The following MOCOS variants were observed in gnomAD, a reference collection of about 807,000 sequenced individuals.
The protein encoded by MOCOS is human molybdenum cofactor sulfurase.
MOCOS carries 86 observed loss-of-function variants against 83.6 expected under a neutral mutation model. That is an observed-to-expected ratio of 1.03 (90% confidence interval 0.86 to 1.23). The LOEUF is 1.23. Ranked by LOEUF, MOCOS falls within the 50% of genes most tolerant of loss-of-function variation. The pLI, the probability that MOCOS is intolerant of heterozygous loss-of-function variation, is 0.00. For synonymous variants in MOCOS, 445 were observed against 434.7 expected, an observed-to-expected ratio of 1.02 and a Z score of -0.29; for missense variants, 1,120 against 1,126.9, an observed-to-expected ratio of 0.99 and a Z score of 0.09.
At chr18:36,267,904 A>G (rs941674072) in intron 14 of MOCOS, among the ~76,000 whole-genome samples, 2 of 152,192 alleles carry the variant, frequency 1.3e-5, no homozygotes, top group Non-Finnish European at 2.9e-5. Flanking sequence ...CATTTGTACA[A>G]ATCATGAGGA....
At chr18:36,230,367 G>A (rs944384990) in intron 9 of MOCOS, among the ~76,000 whole-genome samples, 3 of 152,108 alleles carry the variant, frequency 2.0e-5, no homozygotes, top group African/African-American at 7.2e-5. Context: ...TTACAGACAT[G>A]AGCCACTGTG....
chr18:36,256,472 C>CA (rs1421533221), intron 11 of MOCOS, among the ~76,000 whole-genome samples: 1 of 151,886 alleles, frequency 6.6e-6, no homozygotes, highest in Non-Finnish European at 1.5e-5. Context: ...TTTTTTGAGA[C>CA]AGAGTGTTGC....
intron 12 of MOCOS, 139 bp downstream of exon 12, chr18:36,257,212 C>A: frequency 2.6e-6 from 2 of 773,066 alleles, no homozygotes; most frequent in Non-Finnish European, 4.6e-6. Flanking sequence ...GAAACTGAGG[C>A]CCTGAGAAGT....
rs369667961 is a variant in MOCOS, at chr18:36,213,443, C to T, written c.1296C>T (p.His432=). 1.1e-5 allele frequency: 17 copies of T among 1,614,068 alleles called. No individual in the cohort carries two copies. In the African/African-American group the frequency reaches 2.0e-4, roughly 19 times the overall value. Residue 432 remains histidine (H), a synonymous_variant, in exon 7 of 15, where the codon CAC becomes CAT. Transcript: ENST00000261326. ...GTAACACTGGGGCCTGCCAGAGGCA[C>T]CTGGGCATAAGCAACGAGATGGTCA... is the stretch of plus-strand genomic sequence containing the variant. The part of the protein sequence containing the change: ...CFCNTGACQR[H]LGISNEMVRK...
chr18:36,192,594 G>A (rs906880985), intron 1 of MOCOS, among the ~76,000 whole-genome samples: 1 of 152,144 alleles, frequency 6.6e-6, no homozygotes, highest in Non-Finnish European at 1.5e-5. Context: ...AAGTTGACAA[G>A]CTGATTCTAA....
chr18:36,267,090 T>G (rs2091684484), intron 14 of MOCOS, among the ~76,000 whole-genome samples: 1 of 152,182 alleles, frequency 6.6e-6, no homozygotes. Flanking sequence ...CCAATCTTGT[T>G]GAAGAGATAT....
intron 2 of MOCOS, among the ~76,000 whole-genome samples, chr18:36,197,056 A>G (rs603192): frequency 0.99 from 151,378 of 152,180 alleles, 75,297 homozygotes; most frequent in East Asian, 1. Flanking sequence ...TGAGGACACC[A>G]GGAAGGGAGC....
chr18:36,267,066 TA>T (rs1415331987), intron 14 of MOCOS, among the ~76,000 whole-genome samples: 1 of 152,214 alleles, frequency 6.6e-6, no homozygotes, highest in African/African-American at 2.4e-5. Context: ...TTACTTCATG[TA>T]TTTTTATGCT....
intron 4 of MOCOS, among the ~76,000 whole-genome samples, chr18:36,200,894 A>T (rs191048888): frequency 6.6e-6 from 1 of 152,350 alleles, no homozygotes; most frequent in East Asian, 1.9e-4. Context: ...AGTGAGTTAC[A>T]GAGGGAGTCT....
Position 36,256,811 on chromosome 18 carries a change from G to A in MOCOS, c.2165-157G>A, listed in dbSNP as rs146143990. On this transcript the variant is annotated intron_variant, in intron 11 of 14. Transcript: ENST00000261326. Reference sequence around the variant, plus strand: ...CTTTTGCCTCTTTATTGAGAGATATGCACCATGCTTAGGACATTTTTATTA... The same window carrying A: ...CTTTTGCCTCTTTATTGAGAGATATACACCATGCTTAGGACATTTTTATTA... 448 of 705,032 alleles carry A rather than the reference G, an allele frequency of 6.4e-4. 2 individuals are homozygous for A. Among genetic ancestry groups the A allele is most frequent in the African/African-American group, 6.1e-3 (350 of 57,436 alleles). 43.7% of individuals were successfully genotyped at this position (705,032 alleles called of 1,614,324 possible). A position where few individuals can be genotyped will look rare whatever the true frequency, so the allele number is the denominator to read the frequency against.
chr18:36,190,085 G>T (rs1296931179), intron 1 of MOCOS: 1 of 152,192 alleles, frequency 6.6e-6, no homozygotes, highest in Non-Finnish European at 1.5e-5. Flanking sequence ...TGGACCAAAA[G>T]CCAAAGCATC....
intron 9 of MOCOS, among the ~76,000 whole-genome samples, chr18:36,234,167 C>A (rs143698074): frequency 6.6e-6 from 1 of 152,036 alleles, no homozygotes; most frequent in Non-Finnish European, 1.5e-5. Flanking sequence ...GGTTTCATGT[C>A]TTAGATTTAA....
intron 8 of MOCOS, 151 bp downstream of exon 8, chr18:36,216,128 T>G (rs1417876475): frequency 1.2e-6 from 1 of 860,204 alleles, no homozygotes. Flanking sequence ...TCTTGGTCTG[T>G]GCTGACTTTT....
At chr18:36,191,454 C>T (rs1001169413) in intron 1 of MOCOS, among the ~76,000 whole-genome samples, 6 of 152,180 alleles carry the variant, frequency 3.9e-5, no homozygotes, top group Non-Finnish European at 8.8e-5. Flanking sequence ...TGCATGTGCA[C>T]ACTTTTTGAG....
At chr18:36,204,432 AT>A (rs2091426703) in intron 5 of MOCOS, among the ~76,000 whole-genome samples, 1 of 152,240 alleles carries the variant, frequency 6.6e-6, no homozygotes, top group South Asian at 2.1e-4. Flanking sequence ...TTAAACATTA[AT>A]AATAAAAACA....
chr18:36,189,841 G>C (rs905179224), intron 1 of MOCOS: 1 of 152,146 alleles, frequency 6.6e-6, no homozygotes, highest in South Asian at 2.1e-4. Context: ...CCTGTGTCCC[G>C]AGCATTGGAC....
Position 36,268,863 on chromosome 18 carries a change from G to A in MOCOS, c.*178G>A. ...ACTTCTCACCCTGCAAATTTGCACT[G>A]GCTGTGCTCAGGAGAGCACTTCTGA... On this transcript the variant is annotated 3_prime_UTR_variant, in exon 15 of 15. Transcript: ENST00000261326. 1 of 638,300 alleles carries A rather than the reference G, an allele frequency of 1.6e-6. No individual in the cohort carries two copies. Among genetic ancestry groups the A allele is most frequent in the South Asian group, 1.9e-5 (1 of 52,050 alleles). The allele number at this position is 638,300 out of a possible 1,614,324, so 39.5% of individuals were successfully genotyped here. A position where few individuals can be genotyped will look rare whatever the true frequency, so the allele number is the denominator to read the frequency against.
chr18:36,259,557 A>ACCC (rs1568069582), intron 12 of MOCOS, among the ~76,000 whole-genome samples: 6 of 151,304 alleles, frequency 4.0e-5, no homozygotes, highest in African/African-American at 1.5e-4. Context: ...AATACCCAAA[A>ACCC]AAAAAAAAAA....
At chr18:36,200,630 CT>C (rs1229279238) in intron 4 of MOCOS, among the ~76,000 whole-genome samples, 2 of 152,212 alleles carry the variant, frequency 1.3e-5, no homozygotes, top group African/African-American at 4.8e-5. Context: ...GGAGGGTGAG[CT>C]ACCAGGCCTC....
Sources: gnomAD v4.1 joint callset for allele counts (sites outside exome capture counted in the v4.1 genomes callset) on GRCh38, gnomAD v4.1.1 for gene constraint, MANE v1.5 for transcripts, NCBI Gene and HGNC (gene_info 2026-07-23, HGNC 2026-07-21) for gene names.